PAWR: variants seen among roughly 807,000 people sequenced by gnomAD.
PAWR encodes pro-apoptotic WT1 regulator, also known as PRKC apoptosis WT1 regulator protein.
A neutral mutation model predicts 32.0 loss-of-function variants in PAWR; 23 were observed. The observed-to-expected ratio is 0.72, with a 90% confidence interval of 0.52 to 1.02. The LOEUF (loss-of-function observed/expected upper bound fraction) is 1.02, where lower values mean the gene tolerates loss of function less well. Ranked by LOEUF, PAWR falls within the 50% of genes least tolerant of loss-of-function variation. PAWR has a pLI of 0.00. For missense variants in PAWR, 457 were observed against 437.7 expected (o/e 1.04, Z -0.39); for synonymous variants, 226 against 187.1 (o/e 1.21, Z -1.70).
At chr12:79,683,890 G>A (rs1478917661) in intron 2 of PAWR, among the ~76,000 whole-genome samples, 2 of 152,114 alleles carry the variant, frequency 1.3e-5, no homozygotes, top group Admixed American at 6.6e-5. Flanking sequence ...ACTTAAAATT[G>A]AGGAGATCCT....
chr12:79,637,456 C>T (rs1876015098), intron 2 of PAWR, among the ~76,000 whole-genome samples: 2 of 151,350 alleles, frequency 1.3e-5, no homozygotes, highest in Admixed American at 1.3e-4. Flanking sequence ...CGACCTCTGC[C>T]CTAGCTTTAC....
intron 2 of PAWR, among the ~76,000 whole-genome samples, chr12:79,686,075 C>CT (rs1878667153): frequency 6.6e-6 from 1 of 152,178 alleles, no homozygotes; most frequent in Non-Finnish European, 1.5e-5. Flanking sequence ...AGCTAAACCA[C>CT]TTTAGCCAAC....
intron 4 of PAWR, among the ~76,000 whole-genome samples, chr12:79,605,610 T>C (rs1309518864): frequency 6.6e-6 from 1 of 152,084 alleles, no homozygotes; most frequent in Non-Finnish European, 1.5e-5. Context: ...TGTACATGAA[T>C]GTTCACAGCG....
chr12:79,669,725 T>C (rs1488359970), intron 2 of PAWR, among the ~76,000 whole-genome samples: 5 of 152,098 alleles, frequency 3.3e-5, no homozygotes, highest in Non-Finnish European at 7.4e-5. Context: ...TCATTCTTTT[T>C]TTTTGTTTGT....
chr12:79,688,548 G>C (rs914435820), intron 2 of PAWR: 1 of 147,478 alleles, frequency 6.8e-6, no homozygotes, highest in Non-Finnish European at 1.5e-5. Flanking sequence ...ATGAATAACA[G>C]ATCTTTTGTG....
chr12:79,651,692 CA>C (rs1336916952), intron 2 of PAWR, among the ~76,000 whole-genome samples: 30 of 66,954 alleles, frequency 4.5e-4, no homozygotes, highest in African/African-American at 1.1e-3. Context: ...CCTGGGCTCA[CA>C]AAAAAATGGC....
rs538607150 is a variant in PAWR, at chr12:79,590,695, A to C, written c.*1912T>G. 1 of 152,336 alleles carries C rather than the reference A, an allele frequency of 6.6e-6. No homozygotes were observed. Among genetic ancestry groups the C allele is most frequent in the Non-Finnish European group, 1.5e-5 (1 of 68,030 alleles). 9.4% of individuals were successfully genotyped at this position (152,336 alleles called of 1,614,324 possible). A position where few individuals can be genotyped will look rare whatever the true frequency, so the allele number is the denominator to read the frequency against. ...GCAATAAGGACATGTGTGCCACATAACTAAGGGTAACTAAAGGAAGATGAG... is the reference window on the plus strand; with the variant it reads ...GCAATAAGGACATGTGTGCCACATACCTAAGGGTAACTAAAGGAAGATGAG... On this transcript the variant is annotated 3_prime_UTR_variant, in exon 7 of 7. Coordinates refer to ENST00000328827, the MANE Select transcript of PAWR (RefSeq NM_002583.4).
At position 79,662,201 on chromosome 12, in the gene PAWR, C is replaced by CAAA. The variant is rs57565065; in HGVS notation, c.516+27525_516+27527dup. On this transcript the variant is annotated intron_variant, in intron 2 of 6. Transcript: ENST00000328827. Reference sequence around the variant, plus strand: ...CTGGGCAACATACTGAGACATCTCTCAAAAAAAAAAAAAAAAAAAAAAGCA... The same window carrying CAAA: ...CTGGGCAACATACTGAGACATCTCTCAAAAAAAAAAAAAAAAAAAAAAAAAGCA... Among the ~76,000 whole-genome samples, 420 of 45,194 alleles carry CAAA rather than the reference C, an allele frequency of 9.3e-3. 16 individuals are homozygous for CAAA. Among genetic ancestry groups the CAAA allele is most frequent in the African/African-American group, 0.026 (362 of 14,088 alleles). The allele number at this position is 45,194 out of a possible 152,430, so 29.6% of individuals were successfully genotyped here.
At chr12:79,663,344 C>T (rs1489525640) in intron 2 of PAWR, among the ~76,000 whole-genome samples, 2 of 152,132 alleles carry the variant, frequency 1.3e-5, no homozygotes, top group African/African-American at 4.8e-5. Flanking sequence ...TAGGAATACA[C>T]CTGACAGAAA....
At chr12:79,674,307 C>G (rs1878051683) in intron 2 of PAWR, among the ~76,000 whole-genome samples, 1 of 151,916 alleles carries the variant, frequency 6.6e-6, no homozygotes, top group Non-Finnish European at 1.5e-5. Context: ...GGAGAAAGGA[C>G]TCCTTATTCA....
rs1314801246 is a variant in PAWR at position 79,588,573 on chromosome 12, AG to A, written c.*4033del. The A allele has an allele frequency of 6.6e-6, 1 of 152,038 alleles. No individual in the cohort carries two copies. Among genetic ancestry groups the A allele is most frequent in the African/African-American group, 2.4e-5 (1 of 41,458 alleles). The allele number at this position is 152,038 out of a possible 1,614,324, so 9.4% of individuals were successfully genotyped here. A position where few individuals can be genotyped will look rare whatever the true frequency, so the allele number is the denominator to read the frequency against. ...AGAAGTACTTTTGAGTAAACTATTC[AG>A]ATTAGACAGGCTAATGCTAAGACTG... is the stretch of plus-strand genomic sequence containing the variant. On this transcript the variant is annotated 3_prime_UTR_variant, in exon 7 of 7. Coordinates refer to ENST00000328827, the MANE Select transcript of PAWR (RefSeq NM_002583.4).
chr12:79,616,316 A>G (rs1382500448), intron 3 of PAWR, among the ~76,000 whole-genome samples: 1 of 152,096 alleles, frequency 6.6e-6, no homozygotes, highest in East Asian at 1.9e-4. Flanking sequence ...ATGCCACATC[A>G]GCTTGATTGC....
chr12:79,640,909 A>C (rs1876292571), intron 2 of PAWR, among the ~76,000 whole-genome samples: 1 of 152,176 alleles, frequency 6.6e-6, no homozygotes, highest in South Asian at 2.1e-4. Flanking sequence ...CTTGTGAGTT[A>C]TGTGTCTGTG....
chr12:79,618,086 GAAC>G (rs1337386272), intron 3 of PAWR, among the ~76,000 whole-genome samples: 1 of 151,922 alleles, frequency 6.6e-6, no homozygotes, highest in Non-Finnish European at 1.5e-5. Flanking sequence ...GCAATGCAAA[GAAC>G]AACCTATACA....
Position 79,638,613 on chromosome 12 carries a change from A to C in PAWR, c.517-17406T>G, listed in dbSNP as rs1221867097. Among the ~76,000 whole-genome samples, 12 of 151,728 alleles carry C rather than the reference A, an allele frequency of 7.9e-5. No homozygotes were observed. The East Asian group carries it at 2.1e-3, about 27-fold the overall frequency. On this transcript the variant is annotated intron_variant, in intron 2 of 6. Coordinates refer to ENST00000328827, the MANE Select transcript of PAWR (RefSeq NM_002583.4). The stretch of plus-strand genomic sequence containing the variant: ...GACTCTACTGGTTTCTACTTTGATA[A>C]CAGCCAATTGTTTCAACTATGTACA...
Position 79,592,555 on chromosome 12 carries a change from A to G in PAWR, c.*52T>C. 1.1e-5 allele frequency: 8 copies of G among 734,830 alleles called. No homozygotes were observed. The South Asian group carries it at 1.2e-4, about 11-fold the overall frequency. The allele number at this position is 734,830 out of a possible 1,614,324, so 45.5% of individuals were successfully genotyped here. Reference sequence around the variant, plus strand: ...GAATATTGTGCTAGCATTGACCATTAACATTCAATCAGTAGTTTAAAATAT... The same window carrying G: ...GAATATTGTGCTAGCATTGACCATTGACATTCAATCAGTAGTTTAAAATAT... On this transcript the variant is annotated 3_prime_UTR_variant, in exon 7 of 7. Coordinates refer to ENST00000328827, the MANE Select transcript of PAWR (RefSeq NM_002583.4).
intron 2 of PAWR, among the ~76,000 whole-genome samples, chr12:79,622,993 G>A (rs8176860): frequency 7.9e-5 from 12 of 152,208 alleles, no homozygotes; most frequent in Admixed American, 7.2e-4. Flanking sequence ...TCCATAGCTT[G>A]GAATGATGTT....
chr12:79,632,338 TATATATATA>T (rs1875717635), intron 2 of PAWR, among the ~76,000 whole-genome samples: 1 of 58,740 alleles, frequency 1.7e-5, no homozygotes, highest in African/African-American at 2.1e-4. Flanking sequence ...TATATATATA[TATATATATA>T]TATATATATA....
rs1214451315 is a variant in PAWR, at chr12:79,586,159, T to A, written c.*6448A>T. Reference sequence around the variant, plus strand: ...CATACACAAAACGTTTAATGTGTTATGGAAGGCTAACAGTTTTTCAGCTTT... The same window carrying A: ...CATACACAAAACGTTTAATGTGTTAAGGAAGGCTAACAGTTTTTCAGCTTT... On this transcript the variant is annotated 3_prime_UTR_variant, in exon 7 of 7. Coordinates refer to ENST00000328827, the MANE Select transcript of PAWR (RefSeq NM_002583.4). 1 of 152,316 alleles carries A rather than the reference T, an allele frequency of 6.6e-6. No individual in the cohort carries two copies. The highest frequency in any genetic ancestry group is 1.5e-5 in the Non-Finnish European group (1 of 68,050). The allele number at this position is 152,316 out of a possible 1,614,324, so 9.4% of individuals were successfully genotyped here.
Sources: gnomAD v4.1 joint callset for allele counts (sites outside exome capture counted in the v4.1 genomes callset) on GRCh38, gnomAD v4.1.1 for gene constraint, MANE v1.5 for transcripts, NCBI Gene and HGNC (gene_info 2026-07-23, HGNC 2026-07-21) for gene names.